The following BMPER variants were observed in gnomAD, a reference collection of about 807,000 sequenced individuals.
The protein encoded by BMPER is BMP-binding endothelial regulator protein.
In BMPER, 45 loss-of-function variants were observed where a neutral mutation model predicts 87.3. The ratio of observed to expected loss-of-function variants is 0.52; its 90% CI spans 0.41 to 0.66. BMPER has a LOEUF of 0.66. Among genes scored for constraint, BMPER ranks in the 30% least tolerant of loss-of-function variants. The probability of loss-of-function intolerance (pLI) is 0.00; values close to 1 mark genes in which losing one functional copy is unlikely to be tolerated. For missense variants in BMPER, 784 were observed against 867.5 expected (o/e 0.90, Z 1.21); for synonymous variants, 326 against 316.2 (o/e 1.03, Z -0.33).
Position 33,905,542 on chromosome 7 carries a change from T to G in BMPER, c.-72T>G. ...ACGCCGGCTGAGAGCCCTTTTCGAC[T>G]GTGAGCTGCGGCAGCTGAGCAGAGG... On this transcript the variant is annotated 5_prime_UTR_variant, in exon 1 of 15. Transcript: ENST00000649409. 1.9e-6 allele frequency: 3 copies of G among 1,573,846 alleles called. No homozygotes were observed. The highest frequency in any genetic ancestry group is 1.7e-6 in the Non-Finnish European group (2 of 1,164,084).
chr7:34,109,849 G>C (rs1190942114), intron 13 of BMPER, among the ~76,000 whole-genome samples: 2 of 152,172 alleles, frequency 1.3e-5, no homozygotes, highest in African/African-American at 2.4e-5. Flanking sequence ...AGTATAACCA[G>C]TACCAATGGG....
chr7:34,144,117 G>T (rs999602140), intron 14 of BMPER, among the ~76,000 whole-genome samples: 5 of 152,180 alleles, frequency 3.3e-5, no homozygotes, highest in Admixed American at 3.3e-4. Flanking sequence ...GAAGAGGGAG[G>T]CTTCTCTACA....
At chr7:34,047,841 T>G (rs1043272436) in intron 7 of BMPER, among the ~76,000 whole-genome samples, 1 of 146,150 alleles carries the variant, frequency 6.8e-6, no homozygotes, top group Admixed American at 6.8e-5. Flanking sequence ...CTTGCTTTCT[T>G]TCTCTTTCTA....
At chr7:34,070,003 C>T (rs977352166) in intron 11 of BMPER, among the ~76,000 whole-genome samples, 2 of 152,152 alleles carry the variant, frequency 1.3e-5, no homozygotes, top group African/African-American at 4.8e-5. Flanking sequence ...TTCTTTAGTG[C>T]AAGTATCTGT....
At chr7:33,994,972 A>C (rs555592710) in intron 6 of BMPER, among the ~76,000 whole-genome samples, 1 of 152,270 alleles carries the variant, frequency 6.6e-6, no homozygotes, top group East Asian at 1.9e-4. Context: ...AATACCAATT[A>C]ATAGAAAAAT....
chr7:34,063,652 C>T (rs1317766408), intron 11 of BMPER, among the ~76,000 whole-genome samples: 1 of 152,176 alleles, frequency 6.6e-6, no homozygotes, highest in East Asian at 1.9e-4. Context: ...ATGATTAACA[C>T]ACCAGTTGAT....
intron 13 of BMPER, among the ~76,000 whole-genome samples, chr7:34,119,914 G>T (rs1342656746): frequency 6.6e-6 from 1 of 151,984 alleles, no homozygotes; most frequent in African/African-American, 2.4e-5. Context: ...ACCAATGAAA[G>T]TTGTTATAGC....
chr7:33,945,243 CTTTTTTTTTTTTT>C (rs376447828), intron 3 of BMPER, among the ~76,000 whole-genome samples: 1 of 81,758 alleles, frequency 1.2e-5, no homozygotes, highest in Admixed American at 1.6e-4. Context: ...GCCTGGACTT[CTTTTTTTTTTTTT>C]TTTTTTTTTT....
intron 11 of BMPER, among the ~76,000 whole-genome samples, chr7:34,067,582 G>C (rs1788626466): frequency 6.6e-6 from 1 of 152,002 alleles, no homozygotes; most frequent in African/African-American, 2.4e-5. Flanking sequence ...TTCGAAACCA[G>C]AGCTCAAGAT....
chr7:33,950,096 G>C (rs1784984723), intron 3 of BMPER, among the ~76,000 whole-genome samples: 1 of 152,208 alleles, frequency 6.6e-6, no homozygotes, highest in African/African-American at 2.4e-5. Context: ...CTGGAAGGCA[G>C]TTTAAGGGGC....
chr7:34,004,569 G>A (rs982602795), intron 6 of BMPER, among the ~76,000 whole-genome samples: 2 of 152,178 alleles, frequency 1.3e-5, no homozygotes, highest in African/African-American at 4.8e-5. Flanking sequence ...TGTTATTGCT[G>A]TTTGTTTCTG....
At chr7:34,098,717 A>G (rs1789599846) in intron 13 of BMPER, among the ~76,000 whole-genome samples, 1 of 152,168 alleles carries the variant, frequency 6.6e-6, no homozygotes, top group African/African-American at 2.4e-5. Flanking sequence ...AAGCTTTTCC[A>G]TATGAAGAGG....
At chr7:33,974,531 A>G (rs950889994) in intron 5 of BMPER, among the ~76,000 whole-genome samples, 171 bp from the exon 6 acceptor site, 1 of 152,040 alleles carries the variant, frequency 6.6e-6, no homozygotes, top group African/African-American at 2.4e-5. Flanking sequence ...TCCCATGCCC[A>G]TCGTTTGCCT....
intron 11 of BMPER, among the ~76,000 whole-genome samples, chr7:34,069,631 T>A (rs1562723294): frequency 6.6e-6 from 1 of 152,252 alleles, no homozygotes; most frequent in Non-Finnish European, 1.5e-5. Context: ...CTCTATTGAC[T>A]ACATTTGTAT....
At chr7:34,046,282 C>T in intron 6 of BMPER, 24 bp from the exon 7 acceptor site, 1 of 1,588,400 alleles carries the variant, frequency 6.3e-7, no homozygotes, top group South Asian at 1.1e-5. Context: ...TCTAAATATG[C>T]TTTTTTTTTC....
At chr7:34,080,272 C>T (rs1057286591) in intron 12 of BMPER, among the ~76,000 whole-genome samples, 4 of 152,074 alleles carry the variant, frequency 2.6e-5, no homozygotes, top group African/African-American at 9.7e-5. Flanking sequence ...CTGTTTTTAC[C>T]ATACCTTCAG....
At chr7:34,123,359 C>G (rs13223981) in intron 13 of BMPER, among the ~76,000 whole-genome samples, 4 of 152,130 alleles carry the variant, frequency 2.6e-5, no homozygotes, top group Non-Finnish European at 5.9e-5. Flanking sequence ...GAGTAAATAT[C>G]TAGATCATGA....
At chr7:33,932,894 A>G (rs896712530) in intron 2 of BMPER, among the ~76,000 whole-genome samples, 2 of 152,110 alleles carry the variant, frequency 1.3e-5, no homozygotes, top group South Asian at 2.1e-4. Flanking sequence ...AGCACACGAG[A>G]ACGTTTCACA....
At position 34,085,808 on chromosome 7, in the gene BMPER, G is replaced by A. The variant is rs77064045; in HGVS notation, c.1461G>A (p.Pro487=). The change falls in exon 13 of 15, where the codon CCG becomes CCA. Residue 487 remains proline, a synonymous_variant. Transcript: ENST00000649409. ...GDSFVEVMAA[P]HLKGKLCGLC... ...GTTTTGTAGAAGTCATGGCTGCGCC[G>A]CATCTCAAGGGCAAGCTCTGTGGTC... 16 of 1,613,930 alleles carry A rather than the reference G, an allele frequency of 9.9e-6. No homozygotes were observed. In the South Asian group the frequency reaches 1.2e-4, roughly 12 times the overall value.
Sources: allele counts gnomAD v4.1 joint callset (sites outside exome capture counted in the v4.1 genomes callset), GRCh38; gene constraint gnomAD v4.1.1; transcripts MANE v1.5; gene names NCBI Gene and HGNC (gene_info 2026-07-23, HGNC 2026-07-21).